The following FARP2 variants were observed in gnomAD, a reference collection of about 807,000 sequenced individuals.
FARP2 encodes FERM, ARH/RhoGEF and pleckstrin domain protein 2.
Under a neutral mutation model 130.5 loss-of-function variants are expected in FARP2, and 111 were observed. The ratio of observed to expected loss-of-function variants is 0.85; its 90% CI spans 0.73 to 1.00. FARP2 has a LOEUF of 1.00. Ranked by LOEUF, FARP2 falls within the 50% of genes least tolerant of loss-of-function variation. The pLI, the probability that FARP2 is intolerant of heterozygous loss-of-function variation, is 0.00. For missense variants in FARP2, 1,385 were observed against 1,346.3 expected (o/e 1.03, Z -0.45); for synonymous variants, 504 against 516.9 (o/e 0.98, Z 0.34).
intron 19 of FARP2, chr2:241,478,463 T>TTTCTCACCACCCAGC (rs1232946350): frequency 3.7e-6 from 1 of 271,812 alleles, no homozygotes; most frequent in Admixed American, 4.7e-5. Flanking sequence ...TGGCACCTAC[T>TTTCTCACCACCCAGC]TTCTCACCAC....
intron 1 of FARP2, among the ~76,000 whole-genome samples, chr2:241,364,302 G>A (rs62193202): frequency 0.11 from 16,725 of 152,188 alleles, 1,183 homozygotes; most frequent in Non-Finnish European, 0.15. Flanking sequence ...AAGAACTAAG[G>A]ACCTCAGTCC....
intron 5 of FARP2, among the ~76,000 whole-genome samples, chr2:241,410,630 G>A (rs767633657): frequency 2.0e-5 from 3 of 152,020 alleles, no homozygotes; most frequent in Non-Finnish European, 2.9e-5. Flanking sequence ...GGGTTTCACA[G>A]TGTTGGTCAG....
rs200798199 is a variant in FARP2 at position 241,487,666 on chromosome 2, C to CAA, written c.2422-2283_2422-2282dup. On this transcript the variant is annotated intron_variant, in intron 21 of 26. Coordinates refer to ENST00000264042, the MANE Select transcript of FARP2 (RefSeq NM_014808.4). ...TGGGTGACAGAACAAGACTCCCTCT[C>CAA]AAAAAAAAAAAAAAGAAAGAAAAGA... Among the ~76,000 whole-genome samples the CAA allele has an allele frequency of 2.9e-3, 330 of 115,278 alleles. 4 individuals are homozygous for CAA. The highest frequency in any genetic ancestry group is 9.7e-3 in the Middle Eastern group (2 of 206). The allele number at this position is 115,278 out of a possible 152,430, so 75.6% of individuals were successfully genotyped here. A position where few individuals can be genotyped will look rare whatever the true frequency, so the allele number is the denominator to read the frequency against.
intron 5 of FARP2, among the ~76,000 whole-genome samples, chr2:241,407,836 T>C (rs944565781): frequency 4.6e-5 from 7 of 152,244 alleles, no homozygotes; most frequent in Admixed American, 3.3e-4. Context: ...AATTTGAAAA[T>C]AAAAAATGGA....
chr2:241,394,449 C>T (rs985895778), intron 2 of FARP2, among the ~76,000 whole-genome samples: 1 of 148,382 alleles, frequency 6.7e-6, no homozygotes, highest in African/African-American at 2.5e-5. Flanking sequence ...ATCCAGGAGG[C>T]GGAGCTTGTA....
chr2:241,374,412 T>C (rs758417723), intron 2 of FARP2, among the ~76,000 whole-genome samples: 2 of 152,266 alleles, frequency 1.3e-5, no homozygotes, highest in Non-Finnish European at 2.9e-5. Flanking sequence ...TAGAAGCTTT[T>C]CTTGCTCTTA....
rs539489393 is a variant in FARP2, at chr2:241,461,722, A to G, written c.1588-801A>G. 3.9e-5 allele frequency among the ~76,000 whole-genome samples: 6 copies of G among 152,354 alleles called. No individual in the cohort carries two copies. In the East Asian group the frequency reaches 1.2e-3, roughly 29 times the overall value. ...TATTTGCACGGCCCACCTACCCTGA[A>G]GCTGGCCACAGTCTGGAGGTGGGGC... On this transcript the variant is annotated intron_variant, in intron 14 of 26. Transcript: ENST00000264042.
chr2:241,375,015 C>T (rs990356647), intron 2 of FARP2, among the ~76,000 whole-genome samples: 2 of 152,172 alleles, frequency 1.3e-5, no homozygotes, highest in Admixed American at 1.3e-4. Flanking sequence ...GGCATGATCT[C>T]GGCTCACTGC....
At chr2:241,381,702 C>G (rs552935018) in intron 2 of FARP2, among the ~76,000 whole-genome samples, 1 of 152,352 alleles carries the variant, frequency 6.6e-6, no homozygotes, top group African/African-American at 2.4e-5. Context: ...GGTAGAATTA[C>G]AGTGATCTCT....
intron 26 of FARP2, 153 bp downstream of exon 26, chr2:241,493,597 G>GTT (rs11320829): frequency 0.03 from 16,814 of 552,888 alleles, 18 homozygotes; most frequent in East Asian, 0.055. Flanking sequence ...GCAATGCTTT[G>GTT]TTTTTTTTTT....
chr2:241,454,954 G>A (rs1265088979), intron 13 of FARP2, among the ~76,000 whole-genome samples: 1 of 152,154 alleles, frequency 6.6e-6, no homozygotes, highest in East Asian at 1.9e-4. Flanking sequence ...ATTTGTCAAT[G>A]TGAAAATAAG....
chr2:241,463,747 C>T, intron 16 of FARP2, 152 bp from the exon 17 acceptor site: 1 of 716,642 alleles, frequency 1.4e-6, no homozygotes, highest in Non-Finnish European at 2.3e-6. Context: ...CAGCTTCCAT[C>T]CAGGGCAGGC....
intron 1 of FARP2, among the ~76,000 whole-genome samples, chr2:241,363,310 T>TA (rs1030754296): frequency 6.6e-6 from 1 of 152,234 alleles, no homozygotes; most frequent in Non-Finnish European, 1.5e-5. Context: ...TGTGAACACC[T>TA]AAAACTCTTA....
chr2:241,447,726 C>T (rs965789870), intron 13 of FARP2, among the ~76,000 whole-genome samples: 3 of 152,278 alleles, frequency 2.0e-5, no homozygotes, highest in African/African-American at 4.8e-5. Flanking sequence ...TTGGCCAACA[C>T]GAGTTTCTGC....
At chr2:241,360,816 G>A (rs1013045446) in intron 1 of FARP2, among the ~76,000 whole-genome samples, 2 of 152,112 alleles carry the variant, frequency 1.3e-5, no homozygotes, top group African/African-American at 4.8e-5. Flanking sequence ...TCCTTTGGCT[G>A]TGTACTTTTT....
At chr2:241,408,119 C>T (rs1203676547) in intron 5 of FARP2, among the ~76,000 whole-genome samples, 1 of 152,156 alleles carries the variant, frequency 6.6e-6, no homozygotes, top group African/African-American at 2.4e-5. Context: ...CCTGTAATCC[C>T]AGCATTTTGG....
At chr2:241,493,077 C>G (rs1464121821) in intron 25 of FARP2, 41 bp downstream of exon 25, 4 of 1,230,934 alleles carry the variant, frequency 3.2e-6, no homozygotes, top group Non-Finnish European at 3.6e-6. Context: ...GTGATGCTAG[C>G]AGACAGACAC....
chr2:241,377,831 G>A (rs1401699958), intron 2 of FARP2, among the ~76,000 whole-genome samples: 1 of 151,928 alleles, frequency 6.6e-6, no homozygotes, highest in Non-Finnish European at 1.5e-5. Context: ...CAAATCTGTG[G>A]ATGCCAAACC....
chr2:241,494,051 G>T lies in FARP2; in HGVS notation c.3091G>T (p.Ala1031Ser). 1 of 1,423,730 alleles carries T rather than the reference G, an allele frequency of 7.0e-7. No homozygotes were observed. Among genetic ancestry groups the T allele is most frequent in the Non-Finnish European group, 9.2e-7 (1 of 1,088,500 alleles). 88.2% of individuals were successfully genotyped at this position (1,423,730 alleles called of 1,614,324 possible). A position where few individuals can be genotyped will look rare whatever the true frequency, so the allele number is the denominator to read the frequency against. Residue 1031 changes from alanine to serine, a missense_variant, in exon 27 of 27, where the codon GCC becomes TCC. By Grantham distance (99) the Ala-to-Ser change is moderately conservative (BLOSUM62 1). Transcript: ENST00000264042. This position sits in a 1 kb window ranked among gnomAD's most constrained non-coding sequence, Gnocchi z 4.9. ...GGGGGCCAGCAGCTCAGCCGGGAGG[G>T]CCCCAAGCATCGTGCAGGATGGCCC... ...IQGASSSAGR[A>S]PSIVQDGPQP...
Sources: gnomAD v4.1 joint callset for allele counts (sites outside exome capture counted in the v4.1 genomes callset) on GRCh38, gnomAD v4.1.1 for gene constraint, Gnocchi (gnomAD v3.1) non-coding constraint, MANE v1.5 for transcripts, NCBI Gene and HGNC (gene_info 2026-07-23, HGNC 2026-07-21) for gene names.